Variants in NTM observed in about 807,000 individuals in gnomAD.
The protein encoded by NTM is neurotrimin.
Under a neutral mutation model 42.1 loss-of-function variants are expected in NTM, and 13 were observed. That is an observed-to-expected ratio of 0.31 (90% CI 0.20 to 0.49). The LOEUF (loss-of-function observed/expected upper bound fraction) is 0.49, where lower values mean the gene tolerates loss of function less well. Among genes scored for constraint, NTM ranks in the 20% least tolerant of loss-of-function variants. NTM has a pLI of 0.99. For synonymous variants in NTM, 187 were observed against 179.2 expected (o/e 1.04, Z -0.35); for missense variants, 373 against 452.8 (o/e 0.82, Z 1.60).
chr11:131,545,328 T>G (rs374716247), intron 1 of NTM, among the ~76,000 whole-genome samples: 2 of 152,334 alleles, frequency 1.3e-5, no homozygotes, highest in South Asian at 2.1e-4. Context: ...TCTCCTTTTC[T>G]GTGTATTAGC....
intron 1 of NTM, among the ~76,000 whole-genome samples, chr11:131,469,805 T>C (rs1287228025): frequency 6.6e-6 from 1 of 152,234 alleles, no homozygotes; most frequent in East Asian, 1.9e-4. Flanking sequence ...ACATGTAGAA[T>C]AATGAGAGCC....
At chr11:132,121,910 T>C (rs2064900679) in intron 2 of NTM, among the ~76,000 whole-genome samples, 1 of 152,242 alleles carries the variant, frequency 6.6e-6, no homozygotes, top group Non-Finnish European at 1.5e-5. Context: ...ATTTTATGCA[T>C]GTGCATTAGT....
chr11:131,440,374 C>A (rs1248693511), intron 1 of NTM, among the ~76,000 whole-genome samples: 2 of 152,116 alleles, frequency 1.3e-5, no homozygotes, highest in Non-Finnish European at 2.9e-5. Context: ...TGGTGAAGAT[C>A]CCTCAAGTGT....
chr11:131,731,294 A>C (rs1417684874), intron 1 of NTM, among the ~76,000 whole-genome samples: 1 of 152,154 alleles, frequency 6.6e-6, no homozygotes, highest in Non-Finnish European at 1.5e-5. Flanking sequence ...TTTTCTTTAG[A>C]TCTAACATAT....
chr11:131,843,581 C>T (rs186871661), intron 1 of NTM, among the ~76,000 whole-genome samples: 2 of 152,352 alleles, frequency 1.3e-5, no homozygotes, highest in Admixed American at 1.3e-4. Context: ...ATGTATGCAG[C>T]TTGTGCACAT....
At chr11:132,112,167 G>A (rs1238471209) in intron 2 of NTM, among the ~76,000 whole-genome samples, 4 of 152,026 alleles carry the variant, frequency 2.6e-5, no homozygotes, top group African/African-American at 9.7e-5. Flanking sequence ...GGATTGGTGT[G>A]TGACCCAGGC....
chr11:132,199,129 A>T (rs539451965), intron 3 of NTM, among the ~76,000 whole-genome samples: 1 of 151,874 alleles, frequency 6.6e-6, no homozygotes, highest in Non-Finnish European at 1.5e-5. Context: ...ATGACAAAGC[A>T]TGGGTTTTTA....
intron 2 of NTM, among the ~76,000 whole-genome samples, chr11:132,070,818 A>T (rs1594336489): frequency 7.0e-6 from 1 of 143,328 alleles, no homozygotes. Context: ...AGGTTAGTTA[A>T]CACGTCACAC....
chr11:131,388,636 A>T (rs1339808275), intron 1 of NTM, among the ~76,000 whole-genome samples: 1 of 152,126 alleles, frequency 6.6e-6, no homozygotes, highest in Non-Finnish European at 1.5e-5. Context: ...GAAGAAAAAG[A>T]ATGCTGCTCT....
chr11:132,235,510 A>G (rs1429604323), intron 4 of NTM, among the ~76,000 whole-genome samples: 1 of 152,186 alleles, frequency 6.6e-6, no homozygotes, highest in Admixed American at 6.5e-5. Flanking sequence ...AATAGGAGAA[A>G]CAAAACTATA....
chr11:132,011,454 G>T (rs1241882489), intron 2 of NTM, among the ~76,000 whole-genome samples: 1 of 152,180 alleles, frequency 6.6e-6, no homozygotes, highest in Non-Finnish European at 1.5e-5. Flanking sequence ...CTTGAACTGG[G>T]TGAGCGGTCC....
At chr11:131,973,143 C>G (rs577729857) in intron 2 of NTM, among the ~76,000 whole-genome samples, 1 of 152,268 alleles carries the variant, frequency 6.6e-6, no homozygotes, top group Admixed American at 6.5e-5. Context: ...TTCCTCTGTT[C>G]CCATCTATAG....
chr11:131,953,044 G>C (rs1259180410), intron 2 of NTM, among the ~76,000 whole-genome samples: 1 of 152,172 alleles, frequency 6.6e-6, no homozygotes, highest in African/African-American at 2.4e-5. Flanking sequence ...TGAAAATTCA[G>C]AAGGTAGCCA....
chr11:131,482,117 G>T (rs376942400), intron 1 of NTM, among the ~76,000 whole-genome samples: 6 of 152,202 alleles, frequency 3.9e-5, no homozygotes, highest in East Asian at 1.9e-4. Flanking sequence ...GGGAATGGGA[G>T]CATTAATGAC....
intron 1 of NTM, among the ~76,000 whole-genome samples, chr11:131,805,206 A>G (rs2092412114): frequency 1.3e-5 from 2 of 152,198 alleles, no homozygotes; most frequent in Admixed American, 1.3e-4. Context: ...AATCAGGACC[A>G]GCCTCACCTT....
intron 1 of NTM, among the ~76,000 whole-genome samples, chr11:131,582,998 C>T (rs188158847): frequency 6.6e-6 from 1 of 152,308 alleles, no homozygotes; most frequent in African/African-American, 2.4e-5. Context: ...ACGATGGCTC[C>T]GAATGCTGCT....
At chr11:131,962,450 G>T (rs1226510837) in intron 2 of NTM, among the ~76,000 whole-genome samples, 2 of 152,162 alleles carry the variant, frequency 1.3e-5, no homozygotes, top group Non-Finnish European at 2.9e-5. Flanking sequence ...AATGGAATTA[G>T]TGCCTTTATA....
chr11:131,938,620 G>A lies in NTM; in HGVS notation c.167+26972G>A, dbSNP rs183781797. On this transcript the variant is annotated intron_variant, in intron 2 of 8. Transcript: ENST00000683400. ...ATGTGTATGTCTTTGAGACACCCTG[G>A]CTAGTCTATGTATGATGCAAAAGGT... Among the ~76,000 whole-genome samples the A allele has an allele frequency of 1.6e-3, 238 of 152,322 alleles. 1 individual carries two copies. Among genetic ancestry groups the A allele is most frequent in the Admixed American group, 4.4e-3 (68 of 15,300 alleles).
chr11:131,507,938 G>T (rs1285969950), intron 1 of NTM, among the ~76,000 whole-genome samples: 2 of 152,178 alleles, frequency 1.3e-5, no homozygotes, highest in African/African-American at 2.4e-5. Flanking sequence ...AACCCTAGAA[G>T]AAAACCTAGG....
Sources: allele counts gnomAD v4.1 joint callset (sites outside exome capture counted in the v4.1 genomes callset), GRCh38; gene constraint gnomAD v4.1.1; transcripts MANE v1.5; gene names NCBI Gene and HGNC (gene_info 2026-07-23, HGNC 2026-07-21).